KCNMA1: variants seen among roughly 807,000 people sequenced by gnomAD.
The protein encoded by KCNMA1 is potassium calcium-activated channel subfamily M alpha 1.
KCNMA1 carries 29 observed loss-of-function variants against 140.0 expected under a neutral mutation model. The ratio of observed to expected loss-of-function variants is 0.21; its 90% CI spans 0.15 to 0.28. The LOEUF (loss-of-function observed/expected upper bound fraction) is 0.28. Among genes scored for constraint, KCNMA1 ranks in the 10% least tolerant of loss-of-function variants. KCNMA1 has a pLI of 1.00. For synonymous variants in KCNMA1, 612 were observed against 611.9 expected (o/e 1.00, Z 0.00); for missense variants, 880 against 1,602.2 (o/e 0.55, Z 7.70).
intron 1 of KCNMA1, chr10:77,636,403 C>CA: frequency 6.5e-7 from 1 of 1,536,120 alleles, no homozygotes. Context: ...CCGACGACAT[C>CA]TAGCCACCTC....
chr10:77,394,081 G>C (rs529141067), intron 2 of KCNMA1, among the ~76,000 whole-genome samples: 1 of 152,208 alleles, frequency 6.6e-6, no homozygotes, highest in African/African-American at 2.4e-5. Context: ...GGGATGGAAG[G>C]CCAAAGCAGG....
chr10:77,396,394 A>G (rs951475853), intron 2 of KCNMA1, among the ~76,000 whole-genome samples: 3 of 152,170 alleles, frequency 2.0e-5, no homozygotes, highest in Non-Finnish European at 2.9e-5. Flanking sequence ...AAAGAAAAGT[A>G]GAGGATACTG....
intron 15 of KCNMA1, among the ~76,000 whole-genome samples, chr10:77,038,350 G>T (rs1313046057): frequency 2.0e-5 from 3 of 152,266 alleles, no homozygotes; most frequent in African/African-American, 7.2e-5. Flanking sequence ...GGCAGGAAGT[G>T]CAAGCAAATG....
rs371551843 is a variant in KCNMA1, at chr10:77,110,338, C to T, written c.966G>A (p.Glu322=). The T allele has an allele frequency of 6.2e-7, 1 of 1,613,184 alleles. No individual in the cohort carries two copies. Among genetic ancestry groups the T allele is most frequent in the African/African-American group, 1.3e-5 (1 of 74,894 alleles). Reference sequence around the variant, plus strand: ...AATTTTCCCATGGGTCCCCTGAATTCTCCACCTAAAGCAAATGGGACAGGG... The same window carrying T: ...AATTTTCCCATGGGTCCCCTGAATTTTCCACCTAAAGCAAATGGGACAGGG... ...LTAAGFIHLV[E]NSGDPWENFQ... is the part of the protein sequence containing the mutation. Residue 322 remains glutamate, a synonymous_variant, in exon 8 of 28, where the codon GAG becomes GAA. Transcript: ENST00000286628.
chr10:77,027,957 T>C (rs2093615231), intron 15 of KCNMA1, 66 bp from the exon 16 acceptor site: 2 of 1,350,118 alleles, frequency 1.5e-6, no homozygotes, highest in South Asian at 1.2e-5. Context: ...TAACACACAC[T>C]ATTACGATCT....
At chr10:77,373,521 G>C (rs2094883585) in intron 2 of KCNMA1, among the ~76,000 whole-genome samples, 1 of 152,152 alleles carries the variant, frequency 6.6e-6, no homozygotes, top group Admixed American at 6.5e-5. Context: ...TCATACCTGG[G>C]GCTAAGTATT....
At chr10:77,451,865 A>G (rs1424683230) in intron 1 of KCNMA1, among the ~76,000 whole-genome samples, 1 of 152,178 alleles carries the variant, frequency 6.6e-6, no homozygotes, top group African/African-American at 2.4e-5. Context: ...GAGAGTCACA[A>G]AACATATTTG....
intron 14 of KCNMA1, among the ~76,000 whole-genome samples, chr10:77,066,892 T>C (rs1467694443): frequency 6.6e-6 from 1 of 152,176 alleles, no homozygotes; most frequent in African/African-American, 2.4e-5. Flanking sequence ...ATCCCAGCCT[T>C]ATCAGTTGCA....
intron 2 of KCNMA1, among the ~76,000 whole-genome samples, chr10:77,362,056 T>C (rs528030380): frequency 6.6e-6 from 1 of 152,244 alleles, no homozygotes; most frequent in East Asian, 1.9e-4. Flanking sequence ...ATAGCAGCTG[T>C]CCTTAGAGCC....
chr10:77,422,276 T>TGGCTC (rs2096882915), intron 1 of KCNMA1, among the ~76,000 whole-genome samples: 1 of 152,040 alleles, frequency 6.6e-6, no homozygotes, highest in African/African-American at 2.4e-5. Flanking sequence ...AATAAGAAAC[T>TGGCTC]ACCCCAGCCC....
At chr10:76,881,133 G>A (rs980802577), downstream of KCNMA1, among the ~76,000 whole-genome samples, 4 of 152,144 alleles carry the variant, frequency 2.6e-5, no homozygotes, top group African/African-American at 7.2e-5. Context: ...ATTGGCAGAT[G>A]TCACCTATCA....
chr10:76,933,582 GCCTGTCGGAA>G (rs2059797419), intron 23 of KCNMA1, among the ~76,000 whole-genome samples: 1 of 152,182 alleles, frequency 6.6e-6, no homozygotes, highest in African/African-American at 2.4e-5. Context: ...CTTTCCACAT[GCCTGTCGGAA>G]CCTTTATTTA....
intron 2 of KCNMA1, among the ~76,000 whole-genome samples, chr10:77,326,978 A>G (rs903157787): frequency 4.6e-5 from 7 of 152,076 alleles, no homozygotes; most frequent in Non-Finnish European, 1.0e-4. Context: ...GGGCCCCAAA[A>G]TGCAAGCACA....
rs189169164 is a variant in KCNMA1 at position 77,501,581 on chromosome 10, C to T, written c.379-97558G>A. Among the ~76,000 whole-genome samples the T allele has an allele frequency of 3.3e-3, 506 of 152,310 alleles. 3 individuals are homozygous for T. Among genetic ancestry groups the T allele is most frequent in the South Asian group, 0.027 (129 of 4,822 alleles). ...TCAGGGCCTCCTTCCCTGATGCACA[C>T]GGCCCTCTATCCCTGCCCCCCAGCC... On this transcript the variant is annotated intron_variant, in intron 1 of 27. Transcript: ENST00000286628.
chr10:77,221,297 C>G (rs536297), intron 3 of KCNMA1, among the ~76,000 whole-genome samples: 1 of 152,044 alleles, frequency 6.6e-6, no homozygotes, highest in African/African-American at 2.4e-5. Flanking sequence ...AAAAATTTAA[C>G]GAATCTTCCC....
intron 23 of KCNMA1, among the ~76,000 whole-genome samples, chr10:76,943,963 G>A (rs753559606): frequency 9.2e-5 from 14 of 152,132 alleles, no homozygotes; most frequent in Non-Finnish European, 1.5e-4. Context: ...GTCCCCATCA[G>A]GCAGCCAATG....
intron 1 of KCNMA1, among the ~76,000 whole-genome samples, chr10:77,487,447 A>G (rs988130745): frequency 6.6e-6 from 1 of 152,194 alleles, no homozygotes; most frequent in Admixed American, 6.5e-5. Flanking sequence ...ACACAGAAAG[A>G]GAGAGAAGTG....
Position 77,506,594 on chromosome 10 carries a change from A to AGTGTGTGT in KCNMA1, c.379-102572_379-102571insACACACAC, listed in dbSNP as rs756755351. 5.6e-5 allele frequency among the ~76,000 whole-genome samples: 5 copies of AGTGTGTGT among 88,704 alleles called. No homozygotes were observed. The East Asian group carries it at 2.2e-3, about 39-fold the overall frequency. 58.2% of individuals were successfully genotyped at this position (88,704 alleles called of 152,430 possible). A position where few individuals can be genotyped will look rare whatever the true frequency, so the allele number is the denominator to read the frequency against. ...CCTAGAGAGAGAGAGAGAGAGAGAG[A>AGTGTGTGT]GAGTGTGTGTGTGTGTGTGTGTGTG... is the stretch of plus-strand genomic sequence containing the variant. On this transcript the variant is annotated intron_variant, in intron 1 of 27. Coordinates refer to ENST00000286628, the MANE Select transcript of KCNMA1 (RefSeq NM_001161352.2).
chr10:77,383,106 T>G (rs2095484885), intron 2 of KCNMA1, among the ~76,000 whole-genome samples: 1 of 149,928 alleles, frequency 6.7e-6, no homozygotes, highest in African/African-American at 2.5e-5. Flanking sequence ...ACATTTTTCT[T>G]TAAGATTATA....
Sources: gnomAD v4.1 joint callset for allele counts (sites outside exome capture counted in the v4.1 genomes callset) on GRCh38, gnomAD v4.1.1 for gene constraint, MANE v1.5 for transcripts, NCBI Gene and HGNC (gene_info 2026-07-23, HGNC 2026-07-21) for gene names.